The following ENTPD1 variants were observed in gnomAD, a reference collection of about 807,000 sequenced individuals.
ENTPD1 encodes the protein ectonucleoside triphosphate diphosphohydrolase 1.
ENTPD1 carries 33 observed loss-of-function variants against 57.0 expected under a neutral mutation model. That is an observed-to-expected ratio of 0.58 (90% CI 0.44 to 0.77). The LOEUF (loss-of-function observed/expected upper bound fraction) is 0.77. Ranked by LOEUF, ENTPD1 falls within the 30% of genes least tolerant of loss-of-function variation. The pLI, the probability that ENTPD1 is intolerant of heterozygous loss-of-function variation, is 0.00. For missense variants in ENTPD1, 501 were observed against 603.4 expected (o/e 0.83, Z 1.78); for synonymous variants, 202 against 218.8 (o/e 0.92, Z 0.68).
chr10:95,760,646 A>G (rs1323972595), intron 1 of ENTPD1, among the ~76,000 whole-genome samples: 1 of 152,002 alleles, frequency 6.6e-6, no homozygotes, highest in African/African-American at 2.4e-5. Context: ...GCATTTTGAG[A>G]GTGCTTTCCC....
intron 1 of ENTPD1, among the ~76,000 whole-genome samples, chr10:95,771,975 A>G (rs2098117242): frequency 6.6e-6 from 1 of 152,212 alleles, no homozygotes; most frequent in Admixed American, 6.5e-5. Flanking sequence ...ACGTGATTAA[A>G]AGAGTAGTAT....
At position 95,786,612 on chromosome 10, in the gene ENTPD1, T is replaced by C. The variant is rs1256724222; in HGVS notation, c.16+30357T>C. Among the ~76,000 whole-genome samples the C allele has an allele frequency of 3.9e-5, 6 of 152,212 alleles. No homozygotes were observed. The South Asian group carries it at 1.0e-3, about 26-fold the overall frequency. The stretch of plus-strand genomic sequence containing the variant: ...AGTGCAGTCCTAGATTCTGGCTCCC[T>C]GTGCCCACTGTCAGCAGAGAAAGCA... On this transcript the variant is annotated intron_variant, in intron 1 of 9. Transcript: ENST00000371205.
At position 95,875,798 on chromosome 10, in the gene ENTPD1, G is replaced by GA. The variant is rs1046156987; in HGVS notation, c.*9418dup. The stretch of plus-strand genomic sequence containing the variant: ...GAAAAATGAAGAAGCAGCAAAAGCA[G>GA]AAACCCCTGATAAAACCATCAGATC... On this transcript the variant is annotated 3_prime_UTR_variant, in exon 10 of 10. Coordinates refer to ENST00000371205, the MANE Select transcript of ENTPD1 (RefSeq NM_001776.6). 5.4e-6 allele frequency: 1 copy of GA among 186,384 alleles called. No individual in the cohort carries two copies. The highest frequency in any genetic ancestry group is 6.4e-5 in the Admixed American group (1 of 15,512). The allele number at this position is 186,384 out of a possible 1,614,324, so 11.5% of individuals were successfully genotyped here.
chr10:95,816,240 C>G (rs142396796), intron 1 of ENTPD1, among the ~76,000 whole-genome samples: 2 of 152,302 alleles, frequency 1.3e-5, no homozygotes, highest in African/African-American at 4.8e-5. Context: ...TGATAACTGT[C>G]AAACCATCAC....
intron 1 of ENTPD1, among the ~76,000 whole-genome samples, chr10:95,779,564 A>G (rs367631148): frequency 2.8e-4 from 43 of 152,182 alleles, no homozygotes; most frequent in African/African-American, 1.0e-3. Context: ...TTTCCTAGAA[A>G]GTAATACTTT....
intron 1 of ENTPD1, among the ~76,000 whole-genome samples, chr10:95,743,503 G>A (rs2098002546): frequency 6.6e-6 from 1 of 152,144 alleles, no homozygotes; most frequent in South Asian, 2.1e-4. Context: ...AGAGAGTGGA[G>A]TATTTATGTA....
intron 1 of ENTPD1, among the ~76,000 whole-genome samples, chr10:95,750,414 T>C (rs572376825): frequency 6.6e-6 from 1 of 152,104 alleles, no homozygotes; most frequent in East Asian, 1.9e-4. Context: ...TGTTTAAGAG[T>C]CTGGCACCTC....
chr10:95,809,575 G>GC (rs528603104), intron 1 of ENTPD1, among the ~76,000 whole-genome samples: 1,812 of 85,098 alleles, frequency 0.021, 104 homozygotes, highest in African/African-American at 0.058. Flanking sequence ...GGGCAGAGGC[G>GC]CCCCCCCACC....
Position 95,844,472 on chromosome 10 carries a change from A to G in ENTPD1, c.414-4A>G. The G allele has an allele frequency of 6.2e-7, 1 of 1,614,062 alleles. No individual in the cohort carries two copies. Among genetic ancestry groups the G allele is most frequent in the Non-Finnish European group, 8.5e-7 (1 of 1,179,938 alleles). On this transcript the variant is annotated splice_polypyrimidine_tract_variant and splice_region_variant and intron_variant, in intron 4 of 9. Transcript: ENST00000371205. Reference sequence around the variant, plus strand: ...ATGATAACCTCAGCTCTTCCTTTGTACAGGATGGAAAGTGAAGAGTTGGCA... The same window carrying G: ...ATGATAACCTCAGCTCTTCCTTTGTGCAGGATGGAAAGTGAAGAGTTGGCA...
chr10:95,734,625 A>G (rs1447708270), intron 1 of ENTPD1, among the ~76,000 whole-genome samples: 2 of 152,256 alleles, frequency 1.3e-5, no homozygotes, highest in Non-Finnish European at 2.9e-5. Context: ...CCGATTTCAT[A>G]ACATAAAGTA....
At chr10:95,734,311 G>T (rs963556667) in intron 1 of ENTPD1, among the ~76,000 whole-genome samples, 6 of 152,192 alleles carry the variant, frequency 3.9e-5, no homozygotes, top group African/African-American at 1.4e-4. Context: ...AGAGACTTGA[G>T]ATGAATTTAA....
Position 95,809,575 on chromosome 10 carries a change from G to GCC in ENTPD1, c.17-13656_17-13655dup, listed in dbSNP as rs528603104. Among the ~76,000 whole-genome samples, 27 of 85,122 alleles carry GCC rather than the reference G, an allele frequency of 3.2e-4. 1 individual carries two copies. Among genetic ancestry groups the GCC allele is most frequent in the African/African-American group, 1.0e-3 (27 of 26,382 alleles). 55.8% of individuals were successfully genotyped at this position (85,122 alleles called of 152,430 possible). ...GATGGGGCGGATGCTGGGCAGAGGC[G>GCC]CCCCCCCACCTCCCAGACGGGGCGG... is the stretch of plus-strand genomic sequence containing the variant. On this transcript the variant is annotated intron_variant, in intron 1 of 9. Coordinates refer to ENST00000371205, the MANE Select transcript of ENTPD1 (RefSeq NM_001776.6).
chr10:95,784,055 G>A (rs182224501), intron 1 of ENTPD1, among the ~76,000 whole-genome samples: 68 of 151,356 alleles, frequency 4.5e-4, no homozygotes, highest in Admixed American at 7.2e-4. Context: ...CCTTCCTGCA[G>A]GAGGAATGTA....
At chr10:95,858,912 G>T (rs1290337494) in intron 7 of ENTPD1, among the ~76,000 whole-genome samples, 1 of 152,114 alleles carries the variant, frequency 6.6e-6, no homozygotes, top group East Asian at 1.9e-4. Flanking sequence ...ATAAAGGATT[G>T]TTAAGAAAAG....
At chr10:95,807,621 G>C (rs1290791654) in intron 1 of ENTPD1, among the ~76,000 whole-genome samples, 1 of 152,208 alleles carries the variant, frequency 6.6e-6, no homozygotes, top group Non-Finnish European at 1.5e-5. Context: ...GACTGGAGCT[G>C]TTCCTATTCA....
At chr10:95,812,748 T>C (rs1239977887) in intron 1 of ENTPD1, among the ~76,000 whole-genome samples, 1 of 152,228 alleles carries the variant, frequency 6.6e-6, no homozygotes. Flanking sequence ...TTACCAACAT[T>C]TCATATTGTC....
rs372706075 is a variant in ENTPD1 at position 95,788,351 on chromosome 10, C to T, written c.16+32096C>T. Among the ~76,000 whole-genome samples, 123 of 152,260 alleles carry T rather than the reference C, an allele frequency of 8.1e-4. 2 individuals are homozygous for T. In the South Asian group the frequency reaches 0.025, roughly 31 times the overall value. On this transcript the variant is annotated intron_variant, in intron 1 of 9. Coordinates refer to ENST00000371205, the MANE Select transcript of ENTPD1 (RefSeq NM_001776.6). ...GATGAGTCTAGGCCAGGCATAGTGG[C>T]TCACGCCTGTAATCCCAGCACTTTG...
At chr10:95,727,778 C>T (rs570761946) in intron 1 of ENTPD1, among the ~76,000 whole-genome samples, 88 of 152,298 alleles carry the variant, frequency 5.8e-4, no homozygotes, top group African/African-American at 1.9e-3. Context: ...TAGAAGTTCT[C>T]TTAGCAGCAT....
upstream of ENTPD1, chr10:95,756,088 AC>A: frequency 6.6e-7 from 1 of 1,517,178 alleles, no homozygotes; most frequent in South Asian, 1.3e-5. Context: ...TCCTTCCGAA[AC>A]GGGGCCGGCT....
Sources: gnomAD v4.1 joint callset for allele counts (sites outside exome capture counted in the v4.1 genomes callset) on GRCh38, gnomAD v4.1.1 for gene constraint, MANE v1.5 for transcripts, NCBI Gene and HGNC (gene_info 2026-07-23, HGNC 2026-07-21) for gene names.